CRHR2: variants seen among roughly 807,000 people sequenced by gnomAD.
CRHR2 encodes corticotropin-releasing hormone receptor 2.
CRHR2 carries 53 observed loss-of-function variants against 57.9 expected under a neutral mutation model. That is an observed-to-expected ratio of 0.92 (90% CI 0.73 to 1.15). CRHR2 has a LOEUF of 1.15. CRHR2 is among the 50% of genes most tolerant of loss of function. CRHR2 has a pLI of 0.00. For synonymous variants in CRHR2, 213 were observed against 220.9 expected (o/e 0.96, Z 0.32); for missense variants, 532 against 542.6 (o/e 0.98, Z 0.19).
At chr7:30,690,256 G>T (rs141716033) in intron 1 of CRHR2, among the ~76,000 whole-genome samples, 1 of 152,316 alleles carries the variant, frequency 6.6e-6, no homozygotes, top group East Asian at 1.9e-4. Flanking sequence ...AGCTTGCCAA[G>T]CTGATCAGGC....
intron 1 of CRHR2, among the ~76,000 whole-genome samples, chr7:30,689,933 T>C (rs1283450387): frequency 6.6e-6 from 1 of 151,756 alleles, no homozygotes; most frequent in Non-Finnish European, 1.5e-5. Context: ...GAAAGATGAG[T>C]AGGGACAAAA....
chr7:30,662,305 G>A, intron 6 of CRHR2, 89 bp from the exon 7 acceptor site: 1 of 1,476,526 alleles, frequency 6.8e-7, no homozygotes, highest in Admixed American at 1.7e-5. Flanking sequence ...ACAGGGCTAG[G>A]ATCATGTTTT....
At chr7:30,683,764 T>C (rs1302471242), upstream of CRHR2, among the ~76,000 whole-genome samples, 2 of 152,154 alleles carry the variant, frequency 1.3e-5, no homozygotes, top group Admixed American at 1.3e-4. Flanking sequence ...GTGTTGTTTG[T>C]TTCTATCTTT....
exon 1 of CRHR2, chr7:30,700,046 T>C: frequency 7.2e-7 from 1 of 1,391,344 alleles, no homozygotes. Context: ...CAGTAGTGGC[T>C]GGGGGTTAGG....
At chr7:30,668,616 C>T (rs902059725) in intron 2 of CRHR2, among the ~76,000 whole-genome samples, 9 of 152,320 alleles carry the variant, frequency 5.9e-5, no homozygotes, top group Non-Finnish European at 1.0e-4. Context: ...AACCCACTTC[C>T]GTTGAGCCCG....
intron 2 of CRHR2, 61 bp downstream of exon 2, chr7:30,681,854 C>A: frequency 2.6e-6 from 4 of 1,562,400 alleles, no homozygotes; most frequent in South Asian, 1.2e-5. Flanking sequence ...CCTCTTTACT[C>A]CCTAAACCGC....
chr7:30,666,770 G>A (rs368166195), intron 3 of CRHR2, among the ~76,000 whole-genome samples: 3 of 152,250 alleles, frequency 2.0e-5, no homozygotes, highest in Non-Finnish European at 2.9e-5. Flanking sequence ...ATTCCAGAGC[G>A]AGAGCTGGAG....
At chr7:30,689,278 C>T (rs746199089) in exon 2 of CRHR2, 127 of 1,550,286 alleles carry the variant, frequency 8.2e-5, no homozygotes, top group South Asian at 2.5e-4. Flanking sequence ...TGGCTCTGCC[C>T]GGCTGCCTAG....
At chr7:30,693,069 C>T (rs919752720) in intron 1 of CRHR2, among the ~76,000 whole-genome samples, 1 of 152,180 alleles carries the variant, frequency 6.6e-6, no homozygotes, top group Non-Finnish European at 1.5e-5. Flanking sequence ...GAACAGGGGC[C>T]TTGGAGGCAG....
chr7:30,661,822 T>G (rs766441786), intron 7 of CRHR2, among the ~76,000 whole-genome samples: 2 of 152,148 alleles, frequency 1.3e-5, no homozygotes, highest in Non-Finnish European at 2.9e-5. Flanking sequence ...GGATGTCATG[T>G]GCGGCCTTGG....
intron 2 of CRHR2, among the ~76,000 whole-genome samples, chr7:30,688,387 G>C (rs255099): frequency 2.0e-4 from 31 of 152,036 alleles, no homozygotes; most frequent in African/African-American, 7.5e-4. Context: ...GGTTAGGTGA[G>C]TTTCCAGGGG....
chr7:30,664,864 G>A (rs992636710), intron 5 of CRHR2, among the ~76,000 whole-genome samples: 1 of 151,950 alleles, frequency 6.6e-6, no homozygotes, highest in Non-Finnish European at 1.5e-5. Context: ...TTCTCAGAGT[G>A]GGGGCAAGAA....
chr7:30,678,300 C>G (rs1253648575), intron 2 of CRHR2, among the ~76,000 whole-genome samples: 1 of 152,188 alleles, frequency 6.6e-6, no homozygotes, highest in Admixed American at 6.5e-5. Flanking sequence ...TCAGTTTCCC[C>G]ATGTGTAAAA....
chr7:30,671,372 T>A (rs917946965), intron 2 of CRHR2, among the ~76,000 whole-genome samples: 1 of 151,980 alleles, frequency 6.6e-6, no homozygotes, highest in Non-Finnish European at 1.5e-5. Context: ...ACAGGGACCA[T>A]GAGGGACTAC....
chr7:30,671,454 G>A (rs748054156), intron 2 of CRHR2, among the ~76,000 whole-genome samples: 13 of 152,092 alleles, frequency 8.5e-5, no homozygotes, highest in Non-Finnish European at 1.2e-4. Context: ...TAATGGGACT[G>A]TGGTAAGGCA....
At chr7:30,655,491 T>TC in intron 10 of CRHR2, 89 bp downstream of exon 10, 1 of 1,475,796 alleles carries the variant, frequency 6.8e-7, no homozygotes, top group Non-Finnish European at 9.1e-7. Context: ...GGTGTGCCAG[T>TC]CCCACGGGAC....
rs374100148 is a variant in CRHR2 at position 30,653,589 on chromosome 7, G to A, written c.1107C>T (p.Ala369=). 7.4e-6 allele frequency: 12 copies of A among 1,610,816 alleles called. No individual in the cohort carries two copies. The highest frequency in any genetic ancestry group is 1.1e-5 in the South Asian group (1 of 90,984). The part of the protein sequence containing the change: ...YCFFNGEVRS[A]VRKRWHRWQD... ...GCCAGCGGTGCCACCTCTTCCTCAC[G>A]GCTGAGCGCACCTGTGGGGAAGGCA... The change falls in exon 12 of 12, where the codon GCC becomes GCT. Residue 369 remains alanine, a synonymous_variant. Transcript: ENST00000471646. The surrounding 1 kb of genome is among the most constrained non-coding windows in gnomAD (Gnocchi z 5.0).
At chr7:30,680,959 G>T (rs186836848) in intron 2 of CRHR2, among the ~76,000 whole-genome samples, 1 of 151,986 alleles carries the variant, frequency 6.6e-6, no homozygotes, top group African/African-American at 2.4e-5. Flanking sequence ...GGGTCTCAGC[G>T]TGCTTGACAA....
chr7:30,660,291 C>T (rs761239454), intron 8 of CRHR2, among the ~76,000 whole-genome samples: 83 of 152,184 alleles, frequency 5.5e-4, no homozygotes, highest in African/African-American at 1.9e-3. Context: ...AGTGTCAGAC[C>T]GGGAGGGCAC....
Sources: allele counts gnomAD v4.1 joint callset (sites outside exome capture counted in the v4.1 genomes callset), GRCh38; gene constraint gnomAD v4.1.1; non-coding constraint Gnocchi (gnomAD v3.1); transcripts MANE v1.5; gene names NCBI Gene and HGNC (gene_info 2026-07-23, HGNC 2026-07-21).